Variants in PRDM1 observed in about 807,000 individuals in gnomAD.
PRDM1 encodes the protein PR domain zinc finger protein 1.
PRDM1 carries 13 observed loss-of-function variants against 62.8 expected under a neutral mutation model. That is an observed-to-expected ratio of 0.21 (90% CI 0.13 to 0.33). The LOEUF is 0.33. Ranked by LOEUF, PRDM1 falls within the 10% of genes least tolerant of loss-of-function variation. The pLI is 1.00. For missense variants in PRDM1, 895 were observed against 1,058.8 expected, an observed-to-expected ratio of 0.85 and a Z score of 2.15; for synonymous variants, 396 against 417.6, an observed-to-expected ratio of 0.95 and a Z score of 0.63.
chr6:106,018,172 A>C (rs998844090), intron 1 of PRDM1, among the ~76,000 whole-genome samples: 5 of 152,206 alleles, frequency 3.3e-5, no homozygotes, highest in Non-Finnish European at 2.9e-5. Context: ...AATACTTTAA[A>C]AAAAAAATAA....
chr6:106,053,319 A>C (rs1027530938), intron 1 of PRDM1, among the ~76,000 whole-genome samples: 14 of 152,152 alleles, frequency 9.2e-5, no homozygotes, highest in Admixed American at 8.5e-4. Context: ...CAGACAGAAG[A>C]CCTCTTAGTG....
chr6:106,086,907 A>C (rs1773824983), intron 1 of PRDM1, among the ~76,000 whole-genome samples: 1 of 151,902 alleles, frequency 6.6e-6, no homozygotes, highest in South Asian at 2.1e-4. Context: ...TGGCGTCATG[A>C]CTCTACATGT....
In PRDM1 at chr6:106,035,065, C is replaced by T. The variant is rs571859750; in HGVS notation, c.-67+41426C>T. On this transcript the variant is annotated intron_variant, in intron 1 of 6. Transcript: ENST00000652320. ...ATATATCTGTTAAATATAATTAGTT[C>T]GTTATGTTGTTCAGGTGCTCTATTT... Among the ~76,000 whole-genome samples, 278 of 152,244 alleles carry T rather than the reference C, an allele frequency of 1.8e-3. 2 individuals carry two copies. Among genetic ancestry groups the T allele is most frequent in the African/African-American group, 6.4e-3 (265 of 41,558 alleles).
intron 1 of PRDM1, among the ~76,000 whole-genome samples, chr6:106,072,644 G>A (rs1282808174): frequency 1.3e-5 from 2 of 152,224 alleles, no homozygotes; most frequent in East Asian, 1.9e-4. Context: ...GGCTCTGCCC[G>A]GATGTGTGTG....
rs1336008721 is a variant in PRDM1, at chr6:106,106,749, T to TC, written c.1903-156dup. Among the ~76,000 whole-genome samples, 2 of 152,052 alleles carry TC rather than the reference T, an allele frequency of 1.3e-5. No individual in the cohort carries two copies. The highest frequency in any genetic ancestry group is 2.4e-5 in the African/African-American group (1 of 41,392). ...GCCCCTCGTGTGCTGTGTGCCCACA[T>TC]CCCCCCGTTTGCTTAATACCACACT... On this transcript the variant is annotated intron_variant, in intron 6 of 6. Coordinates refer to ENST00000369096, the MANE Select transcript of PRDM1 (RefSeq NM_001198.4). The surrounding 1 kb of genome is among the most constrained non-coding windows in gnomAD (Gnocchi z 4.4).
intron 1 of PRDM1, among the ~76,000 whole-genome samples, chr6:106,065,708 A>G (rs1167765239): frequency 6.6e-6 from 1 of 152,190 alleles, no homozygotes; most frequent in East Asian, 1.9e-4. Flanking sequence ...GTTTATTTTA[A>G]ATAAAAACTG....
intron 1 of PRDM1, chr6:106,087,609 AAG>A (rs1198166445): frequency 1.3e-5 from 3 of 232,534 alleles, no homozygotes; most frequent in African/African-American, 4.4e-5. Context: ...GAGAGGATGA[AAG>A]AGAGCTCGCA....
At chr6:106,004,326 T>C (rs983045667) in intron 1 of PRDM1, among the ~76,000 whole-genome samples, 2 of 152,216 alleles carry the variant, frequency 1.3e-5, no homozygotes, top group Non-Finnish European at 2.9e-5. Context: ...GTAACATATA[T>C]GCTAACATGA....
At chr6:106,104,774 C>A (rs1271597063) in intron 4 of PRDM1, 51 bp from the exon 5 acceptor site, 1 of 1,536,888 alleles carries the variant, frequency 6.5e-7, no homozygotes, top group Admixed American at 2.2e-5. Flanking sequence ...GGCAGTTTTG[C>A]TTCAGTTCTC....
chr6:106,058,947 A>T (rs960855546), intron 1 of PRDM1, among the ~76,000 whole-genome samples: 1 of 152,208 alleles, frequency 6.6e-6, no homozygotes, highest in African/African-American at 2.4e-5. Flanking sequence ...AGATCACTCG[A>T]TGAACCAAAT....
chr6:106,020,347 T>TAGA (rs1181678826), intron 1 of PRDM1, among the ~76,000 whole-genome samples: 1 of 152,104 alleles, frequency 6.6e-6, no homozygotes, highest in Non-Finnish European at 1.5e-5. Flanking sequence ...TCACCCAGGC[T>TAGA]AGAGGGCAGT....
intron 1 of PRDM1, among the ~76,000 whole-genome samples, chr6:106,055,950 C>T (rs1204524676): frequency 6.6e-6 from 1 of 152,078 alleles, no homozygotes; most frequent in African/African-American, 2.4e-5. Context: ...GAGTCCAAAT[C>T]AAATTAAAGC....
intron 1 of PRDM1, among the ~76,000 whole-genome samples, chr6:106,079,174 AG>A (rs1232464753): frequency 1.3e-5 from 2 of 152,030 alleles, no homozygotes; most frequent in East Asian, 3.9e-4. Context: ...CATGTTGGCC[AG>A]GCTGGTCTCA....
chr6:106,106,876 T>C lies in PRDM1; in HGVS notation c.1903-35T>C. ...CTCTTAATCTTCTGGCCTTCCTGTC[T>C]CCCTTCCCTGCTGTCTCTCTCCCCT... On this transcript the variant is annotated intron_variant, in intron 6 of 6. Coordinates refer to ENST00000369096, the MANE Select transcript of PRDM1 (RefSeq NM_001198.4). This position sits in a 1 kb window ranked among gnomAD's most constrained non-coding sequence, Gnocchi z 4.4. 2 of 1,567,518 alleles carry C rather than the reference T, an allele frequency of 1.3e-6. No individual in the cohort carries two copies. Among genetic ancestry groups the C allele is most frequent in the Non-Finnish European group, 1.7e-6 (2 of 1,149,408 alleles).
chr6:106,026,718 C>A, intron 1 of PRDM1, among the ~76,000 whole-genome samples: 1 of 151,988 alleles, frequency 6.6e-6, no homozygotes, highest in South Asian at 2.1e-4. Flanking sequence ...CTTTATTTTT[C>A]CTGTCTTATA....
chr6:106,038,317 T>C (rs935324734), intron 1 of PRDM1, among the ~76,000 whole-genome samples: 7 of 152,108 alleles, frequency 4.6e-5, no homozygotes, highest in Non-Finnish European at 7.3e-5. Context: ...TTTTGTTTTT[T>C]ATTCTTGTAG....
chr6:106,106,853 C>A lies in PRDM1; in HGVS notation c.1903-58C>A. 6.6e-7 allele frequency: 1 copy of A among 1,525,914 alleles called. No homozygotes were observed. The highest frequency in any genetic ancestry group is 1.2e-5 in the South Asian group (1 of 81,744). The allele number at this position is 1,525,914 out of a possible 1,614,324, so 94.5% of individuals were successfully genotyped here. ...AAGCCTGCCCCTCCCGTTGGCAACT[C>A]TTAATCTTCTGGCCTTCCTGTCTCC... On this transcript the variant is annotated intron_variant, in intron 6 of 6. Coordinates refer to ENST00000369096, the MANE Select transcript of PRDM1 (RefSeq NM_001198.4). The surrounding 1 kb of genome is among the most constrained non-coding windows in gnomAD (Gnocchi z 4.4).
chr6:106,049,283 G>A (rs933422642), intron 1 of PRDM1, among the ~76,000 whole-genome samples: 3 of 152,172 alleles, frequency 2.0e-5, no homozygotes, highest in Non-Finnish European at 2.9e-5. Flanking sequence ...TATAATAGAG[G>A]AGCTTGACAG....
intron 4 of PRDM1, among the ~76,000 whole-genome samples, chr6:106,101,221 CTT>C (rs1393887471): frequency 6.6e-6 from 1 of 152,064 alleles, no homozygotes; most frequent in Non-Finnish European, 1.5e-5. Flanking sequence ...AGAGGAAAGT[CTT>C]TTGATTTTTG....
Sources: allele counts gnomAD v4.1 joint callset (sites outside exome capture counted in the v4.1 genomes callset), GRCh38; gene constraint gnomAD v4.1.1; non-coding constraint Gnocchi (gnomAD v3.1); transcripts MANE v1.5; gene names NCBI Gene and HGNC (gene_info 2026-07-23, HGNC 2026-07-21).